Variants in IL12RB1 observed in about 807,000 individuals in gnomAD.
IL12RB1 encodes the protein interleukin-12 receptor subunit beta-1.
A neutral mutation model predicts 94.4 loss-of-function variants in IL12RB1; 64 were observed. The ratio of observed to expected loss-of-function variants is 0.68; its 90% CI spans 0.55 to 0.83. The LOEUF is 0.83. IL12RB1 is among the 40% of genes least tolerant of loss of function. The pLI, the probability that IL12RB1 is intolerant of heterozygous loss-of-function variation, is 0.00. For synonymous variants in IL12RB1, 362 were observed against 355.5 expected (o/e 1.02, Z -0.21); for missense variants, 814 against 855.6 (o/e 0.95, Z 0.61).
intron 12 of IL12RB1, among the ~76,000 whole-genome samples, chr19:18,064,506 T>TCAA (rs952599342): frequency 8.0e-5 from 12 of 149,826 alleles, no homozygotes. Context: ...GGAGTCTCAC[T>TCAA]CTGTTGCCCA....
At chr19:18,072,498 A>C in intron 8 of IL12RB1, 149 bp from the exon 9 acceptor site, 4 of 664,576 alleles carry the variant, frequency 6.0e-6, no homozygotes, top group East Asian at 2.8e-5. Flanking sequence ...ATAAACCTCA[A>C]TGCTGGCAAA....
upstream of IL12RB1, among the ~76,000 whole-genome samples, chr19:18,088,939 G>C (rs535190908): frequency 5.9e-5 from 9 of 151,344 alleles, no homozygotes; most frequent in South Asian, 4.2e-4. Flanking sequence ...CTGAGGCAGA[G>C]AGAATTACTT....
At chr19:18,077,371 A>T (rs1361492246) in intron 5 of IL12RB1, 145 bp downstream of exon 5, 25 of 690,244 alleles carry the variant, frequency 3.6e-5, no homozygotes, top group Non-Finnish European at 5.9e-5. Context: ...CAGAAAAAAA[A>T]AAAGAAAAAG....
Position 18,077,563 on chromosome 19 carries a change from C to G in IL12RB1, c.502G>C (p.Ala168Pro). The change falls in exon 5 of 17, where the codon GCT (alanine) becomes CCT (proline). Residue 168 changes from alanine (A) to proline (P), a missense_variant. Transcript: ENST00000593993. ...GTCCGGTGCCGGAACTGCACCTCAG[C>G]ACCAACCTGGTTATCCGGGGTCTCC... ...EWETPDNQVG[A>P]EVQFRHRTPS... 6.2e-7 allele frequency: 1 copy of G among 1,612,374 alleles called. No homozygotes were observed. Among genetic ancestry groups the G allele is most frequent in the South Asian group, 1.1e-5 (1 of 90,916 alleles).
In IL12RB1 at chr19:18,069,654, G is replaced by A. The variant is rs150261140; in HGVS notation, c.1081C>T (p.Arg361Trp). 1.2e-5 allele frequency: 19 copies of A among 1,613,084 alleles called. No homozygotes were observed. The highest frequency in any genetic ancestry group is 2.2e-5 in the South Asian group (2 of 91,064). Residue 361 changes from arginine (R) to tryptophan (W), a missense_variant, in exon 10 of 17, where the codon CGG (arginine) becomes TGG (tryptophan). Physicochemically the swap from Arg to Trp is moderately radical, Grantham distance 101. Transcript: ENST00000593993. ...ATGCAATACGTCATGCTCTGAGCCC[G>A]GGCTGGCCAATACATGGTGGTCCCG... is the stretch of plus-strand genomic sequence containing the variant. ...TNGTTMYWPARAQSMTYCIEW... is the reference protein window; with the variant it reads ...TNGTTMYWPAWAQSMTYCIEW...
intron 9 of IL12RB1, among the ~76,000 whole-genome samples, chr19:18,071,786 C>T (rs1023237715): frequency 7.9e-5 from 12 of 152,258 alleles, no homozygotes; most frequent in African/African-American, 2.6e-4. Flanking sequence ...ATTCTCCTGC[C>T]TCAGCCTCCC....
intron 11 of IL12RB1, among the ~76,000 whole-genome samples, chr19:18,067,458 A>G (rs551010764): frequency 2.0e-5 from 3 of 151,284 alleles, no homozygotes; most frequent in African/African-American, 7.3e-5. Flanking sequence ...TGGTTCTGCC[A>G]CTCAGTCACT....
chr19:18,068,746 GCTT>G (rs1280378578), intron 10 of IL12RB1, among the ~76,000 whole-genome samples: 2 of 145,930 alleles, frequency 1.4e-5, no homozygotes, highest in African/African-American at 5.1e-5. Flanking sequence ...TGGAACCAGG[GCTT>G]CTTTTTTTTT....
intron 1 of IL12RB1, among the ~76,000 whole-genome samples, chr19:18,084,356 A>G (rs904454656): frequency 6.8e-6 from 1 of 148,122 alleles, no homozygotes; most frequent in Admixed American, 6.7e-5. Flanking sequence ...CCCACCATCC[A>G]CCCATTTATC....
chr19:18,077,759 A>T, intron 4 of IL12RB1, 104 bp from the exon 5 acceptor site: 1 of 766,210 alleles, frequency 1.3e-6, no homozygotes, highest in South Asian at 1.4e-5. Flanking sequence ...ATCCCTAAAT[A>T]TGAATTAGGG....
chr19:18,072,378 G>C, intron 8 of IL12RB1, 29 bp from the exon 9 acceptor site: 1 of 1,433,720 alleles, frequency 7.0e-7, no homozygotes, highest in South Asian at 1.1e-5. Flanking sequence ...ACAGCTTGTG[G>C]GTACCTGATC....
chr19:18,086,753 G>A lies in IL12RB1; in HGVS notation c.64+7C>T. Reference sequence around the variant, plus strand: ...AGGAGCCGCCATGCCAGGGTCAGGGGACTCACCGCCCTGCCTGGACAGCAG... The same window carrying A: ...AGGAGCCGCCATGCCAGGGTCAGGGAACTCACCGCCCTGCCTGGACAGCAG... On this transcript the variant is annotated splice_region_variant and intron_variant, in intron 1 of 16. Transcript: ENST00000593993. 1 of 1,607,896 alleles carries A rather than the reference G, an allele frequency of 6.2e-7. No homozygotes were observed. The highest frequency in any genetic ancestry group is 8.5e-7 in the Non-Finnish European group (1 of 1,177,396).
chr19:18,069,516 G>T, intron 10 of IL12RB1, 30 bp downstream of exon 10: 2 of 1,576,034 alleles, frequency 1.3e-6, no homozygotes, highest in Non-Finnish European at 8.6e-7. Flanking sequence ...CACAGAGGAG[G>T]GGTAGGCGCA....
rs367796048 is a variant in IL12RB1 at position 18,082,229 on chromosome 19, G to A, written c.160C>T (p.Arg54Trp). ...ASGPRDLRCY[R>W]ISSDRYECSW... Reference sequence around the variant, plus strand: ...CACTCGTAACGATCACTGGATATCCGATAGCATCTCAGGTCCCTAGGGCCC... The same window carrying A: ...CACTCGTAACGATCACTGGATATCCAATAGCATCTCAGGTCCCTAGGGCCC... The change falls in exon 3 of 17, where the codon CGG (arginine) becomes TGG (tryptophan). Residue 54 changes from arginine (R) to tryptophan (W), a missense_variant. Coordinates refer to ENST00000593993, the MANE Select transcript of IL12RB1 (RefSeq NM_005535.3). 6.4e-5 allele frequency: 103 copies of A among 1,613,396 alleles called. No individual in the cohort carries two copies. The highest frequency in any genetic ancestry group is 8.3e-5 in the Admixed American group (5 of 59,940).
chr19:18,082,634 G>C (rs1338269686), intron 2 of IL12RB1, among the ~76,000 whole-genome samples: 1 of 152,180 alleles, frequency 6.6e-6, no homozygotes, highest in African/African-American at 2.4e-5. Context: ...GTGGTCTTGG[G>C]AAGTTAGTTG....
chr19:18,072,232 G>C lies in IL12RB1; in HGVS notation c.901C>G (p.Leu301Val), dbSNP rs2035111482. The change falls in exon 9 of 17, where the codon CTG (leucine) becomes GTG (valine). Residue 301 changes from leucine (L) to valine (V), a missense_variant. Coordinates refer to ENST00000593993, the MANE Select transcript of IL12RB1 (RefSeq NM_005535.3). Reference sequence around the variant, plus strand: ...AGATAGGGCATCTTCCCCAGGTGCAGGGTCCTGGTGGCCTTGGCCTTACAC... The same window carrying C: ...AGATAGGGCATCTTCCCCAGGTGCACGGTCCTGGTGGCCTTGGCCTTACAC... ...CPCKAKATRT[L>V]HLGKMPYLSG... The C allele has an allele frequency of 6.2e-7, 1 of 1,613,902 alleles. No homozygotes were observed.
chr19:18,082,916 C>G (rs1003607850), intron 2 of IL12RB1, among the ~76,000 whole-genome samples: 1 of 151,962 alleles, frequency 6.6e-6, no homozygotes, highest in Non-Finnish European at 1.5e-5. Flanking sequence ...AACCTGGTCT[C>G]TACTAAAAAT....
In IL12RB1 at chr19:18,072,160, C is replaced by T. The variant is rs144612211; in HGVS notation, c.973G>A (p.Gly325Ser). 5 of 1,614,026 alleles carry T rather than the reference C, an allele frequency of 3.1e-6. No homozygotes were observed. The highest frequency in any genetic ancestry group is 4.2e-6 in the Non-Finnish European group (5 of 1,180,018). ...NVAVISSNQF[G>S]PGLNQTWHIP... Reference sequence around the variant, plus strand: ...TGCCACGTCTGGTTCAGGCCAGGACCAAATTGGTTCGAGGAGATGACAGCC... The same window carrying T: ...TGCCACGTCTGGTTCAGGCCAGGACTAAATTGGTTCGAGGAGATGACAGCC... The change falls in exon 9 of 17, where the codon GGT (glycine) becomes AGT (serine). Residue 325 changes from glycine to serine, a missense_variant. Coordinates refer to ENST00000593993, the MANE Select transcript of IL12RB1 (RefSeq NM_005535.3).
At chr19:18,061,552 A>G (rs759086397) in intron 14 of IL12RB1, among the ~76,000 whole-genome samples, 1 of 151,990 alleles carries the variant, frequency 6.6e-6, no homozygotes, top group Non-Finnish European at 1.5e-5. Context: ...TCAATCAGAC[A>G]TGCCCACCAG....
Sources: allele counts gnomAD v4.1 joint callset (sites outside exome capture counted in the v4.1 genomes callset), GRCh38; gene constraint gnomAD v4.1.1; transcripts MANE v1.5; gene names NCBI Gene and HGNC (gene_info 2026-07-23, HGNC 2026-07-21).